PMP22: variants seen among roughly 807,000 people sequenced by gnomAD.
PMP22 encodes peripheral myelin protein 22.
Under a neutral mutation model 18.9 loss-of-function variants are expected in PMP22, and 2 were observed. That is an observed-to-expected ratio of 0.11 (90% CI 0.04 to 0.33). PMP22 has a LOEUF of 0.33. Among genes scored for constraint, PMP22 ranks in the 10% least tolerant of loss-of-function variants. The pLI, the probability that PMP22 is intolerant of heterozygous loss-of-function variation, is 1.00. For missense variants in PMP22, 169 were observed against 202.2 expected (o/e 0.84, Z 1.00); for synonymous variants, 95 against 89.2 (o/e 1.07, Z -0.37).
intron 2 of PMP22, among the ~76,000 whole-genome samples, chr17:15,260,127 T>C (rs1909186782): frequency 1.3e-5 from 2 of 152,176 alleles, no homozygotes; most frequent in Non-Finnish European, 2.9e-5. Flanking sequence ...GTTACTCTGA[T>C]GGCCTGTTCC....
At chr17:15,255,839 C>T (rs563541145) in intron 3 of PMP22, among the ~76,000 whole-genome samples, 1 of 152,164 alleles carries the variant, frequency 6.6e-6, no homozygotes, top group Non-Finnish European at 1.5e-5. Context: ...TGAACTCAGA[C>T]GCTGTCTGCC....
chr17:15,252,932 A>G (rs1908489219), intron 3 of PMP22, among the ~76,000 whole-genome samples: 1 of 152,218 alleles, frequency 6.6e-6, no homozygotes, highest in Non-Finnish European at 1.5e-5. Context: ...ATTCTGACCC[A>G]TTCTGCTACA....
Position 15,258,085 on chromosome 17 carries a change from G to C in PMP22, c.178+1009C>G, listed in dbSNP as rs980357836. Among the ~76,000 whole-genome samples, 1 of 152,136 alleles carries C rather than the reference G, an allele frequency of 6.6e-6. No individual in the cohort carries two copies. Among genetic ancestry groups the C allele is most frequent in the African/African-American group, 2.4e-5 (1 of 41,428 alleles). Reference sequence around the variant, plus strand: ...GGATCTAAACTGGTTTCTCTCGTCTGGTGTAGCATCTTGAACATATATACT... The same window carrying C: ...GGATCTAAACTGGTTTCTCTCGTCTCGTGTAGCATCTTGAACATATATACT... On this transcript the variant is annotated intron_variant, in intron 3 of 4. Transcript: ENST00000312280. The surrounding 1 kb of genome is among the most constrained non-coding windows in gnomAD (Gnocchi z 4.1).
intron 3 of PMP22, among the ~76,000 whole-genome samples, chr17:15,252,532 T>C (rs936502539): frequency 6.6e-6 from 1 of 152,168 alleles, no homozygotes; most frequent in Non-Finnish European, 1.5e-5. Flanking sequence ...CTGTTGTCAC[T>C]GGGAAATGAG....
rs1231907268 is a variant in PMP22 at position 15,246,246 on chromosome 17, C to T, written c.179-6635G>A. Among the ~76,000 whole-genome samples, 6 of 152,284 alleles carry T rather than the reference C, an allele frequency of 3.9e-5. No individual in the cohort carries two copies. The East Asian group carries it at 7.7e-4, about 20-fold the overall frequency. On this transcript the variant is annotated intron_variant, in intron 3 of 4. Transcript: ENST00000312280. ...AATACTTTAGGCTTTGCAGGTCATACGGTCTTCTTAACAACTACTCAATTC... is the reference window on the plus strand; with the variant it reads ...AATACTTTAGGCTTTGCAGGTCATATGGTCTTCTTAACAACTACTCAATTC...
chr17:15,258,885 G>A lies in PMP22; in HGVS notation c.178+209C>T. On this transcript the variant is annotated intron_variant, in intron 3 of 4. Transcript: ENST00000312280. This position sits in a 1 kb window ranked among gnomAD's most constrained non-coding sequence, Gnocchi z 4.1. ...CTAAGGGCATGTCTCTAGGTAGAGT[G>A]AATCACAATGATGCCCAGGATCTCA... The A allele has an allele frequency of 1.6e-6, 1 of 639,634 alleles. No individual in the cohort carries two copies. Among genetic ancestry groups the A allele is most frequent in the South Asian group, 1.7e-5 (1 of 57,856 alleles). The allele number at this position is 639,634 out of a possible 1,614,324, so 39.6% of individuals were successfully genotyped here.
rs1363898261 is a variant in PMP22 at position 15,258,772 on chromosome 17, A to G, written c.178+322T>C. On this transcript the variant is annotated intron_variant, in intron 3 of 4. Transcript: ENST00000312280. The surrounding 1 kb of genome is among the most constrained non-coding windows in gnomAD (Gnocchi z 4.1). ...CCAATGTCCCAAGGGGGTCTGCCAA[A>G]GGCTTAGCTATCATACCACCTTCAC... 5.1e-6 allele frequency: 2 copies of G among 394,154 alleles called. No homozygotes were observed. The highest frequency in any genetic ancestry group is 9.7e-6 in the Non-Finnish European group (2 of 206,190). The allele number at this position is 394,154 out of a possible 1,614,324, so 24.4% of individuals were successfully genotyped here.
rs745939923 is a variant in PMP22, at chr17:15,259,099, G to T, written c.173C>A (p.Pro58Gln). 49 of 1,609,068 alleles carry T rather than the reference G, an allele frequency of 3.0e-5. No individual in the cohort carries two copies. The highest frequency in any genetic ancestry group is 4.0e-5 in the Non-Finnish European group (47 of 1,175,470). Residue 58 changes from proline to glutamine, a missense_variant, in exon 3 of 5, where the codon CCA becomes CAA. Physicochemically the swap from Pro to Gln is moderately conservative, Grantham distance 76 (BLOSUM62 -1). Coordinates refer to ENST00000312280, the MANE Select transcript of PMP22 (RefSeq NM_000304.4). ...GNVHHCFSSS[P>Q]NEWLQSVQAT... ...GAGCACAAAACCAGCCTCACCGTTT[G>T]GTGATGATGAGAAACAGTGGTGGAC...
At chr17:15,239,338 C>A (rs1303490508) in intron 4 of PMP22, 133 bp downstream of exon 4, 1 of 1,078,932 alleles carries the variant, frequency 9.3e-7, no homozygotes, top group Admixed American at 1.7e-5. Context: ...CCCACCCTCA[C>A]TTTATGGAAA....
rs747112334 is a variant in PMP22 at position 15,230,777 on chromosome 17, C to T, written c.*140G>A. ...TATATACATCTTCAATCAACAGCAA[C>T]CCCCACCTCCACTGCTTTCTGTTTG... On this transcript the variant is annotated 3_prime_UTR_variant, in exon 5 of 5. Coordinates refer to ENST00000312280, the MANE Select transcript of PMP22 (RefSeq NM_000304.4). 4 of 820,236 alleles carry T rather than the reference C, an allele frequency of 4.9e-6. No homozygotes were observed. The highest frequency in any genetic ancestry group is 8.2e-6 in the Non-Finnish European group (4 of 488,210). 50.8% of individuals were successfully genotyped at this position (820,236 alleles called of 1,614,324 possible).
At chr17:15,259,356 T>G (rs962168101) in intron 2 of PMP22, among the ~76,000 whole-genome samples, 163 bp from the exon 3 acceptor site, 7 of 152,142 alleles carry the variant, frequency 4.6e-5, no homozygotes, top group Non-Finnish European at 1.0e-4. Flanking sequence ...TAAAAGCACC[T>G]TGTAAATGGA....
chr17:15,235,498 C>CTA (rs771660439), intron 4 of PMP22, among the ~76,000 whole-genome samples: 45 of 152,272 alleles, frequency 3.0e-4, no homozygotes, highest in South Asian at 2.3e-3. Context: ...GAATAGATGG[C>CTA]TATAGGTTCT....
Position 15,258,259 on chromosome 17 carries a change from C to T in PMP22, c.178+835G>A, listed in dbSNP as rs185701897. On this transcript the variant is annotated intron_variant, in intron 3 of 4. Transcript: ENST00000312280. The surrounding 1 kb of genome is among the most constrained non-coding windows in gnomAD (Gnocchi z 4.1). Reference sequence around the variant, plus strand: ...AAAAGATCATGTGGATCCAGGTCCACGGGCTCTTAACATCAATCGCTATGG... The same window carrying T: ...AAAAGATCATGTGGATCCAGGTCCATGGGCTCTTAACATCAATCGCTATGG... Among the ~76,000 whole-genome samples, 21 of 152,256 alleles carry T rather than the reference C, an allele frequency of 1.4e-4. No individual in the cohort carries two copies. Among genetic ancestry groups the T allele is most frequent in the Admixed American group, 9.2e-4 (14 of 15,294 alleles).
At position 15,230,746 on chromosome 17, in the gene PMP22, A is replaced by G. The variant is rs779198796; in HGVS notation, c.*171T>C. The stretch of plus-strand genomic sequence containing the variant: ...GTTATAAATAGGTTTTATAAACCGG[A>G]GATATTATATACATCTTCAATCAAC... On this transcript the variant is annotated 3_prime_UTR_variant, in exon 5 of 5. Coordinates refer to ENST00000312280, the MANE Select transcript of PMP22 (RefSeq NM_000304.4). 16 of 651,974 alleles carry G rather than the reference A, an allele frequency of 2.5e-5. No homozygotes were observed. The highest frequency in any genetic ancestry group is 4.3e-5 in the Non-Finnish European group (16 of 371,836). 40.4% of individuals were successfully genotyped at this position (651,974 alleles called of 1,614,324 possible).
At chr17:15,249,013 T>A (rs1007043232) in intron 3 of PMP22, among the ~76,000 whole-genome samples, 1 of 152,130 alleles carries the variant, frequency 6.6e-6, no homozygotes, top group Non-Finnish European at 1.5e-5. Context: ...ATTCTCCCCA[T>A]AGAAATAATA....
At chr17:15,238,536 A>T (rs1907004311) in intron 4 of PMP22, among the ~76,000 whole-genome samples, 1 of 152,206 alleles carries the variant, frequency 6.6e-6, no homozygotes, top group African/African-American at 2.4e-5. Flanking sequence ...TGATCTATGA[A>T]TTTGGACCAC....
At chr17:15,232,309 A>G (rs930703186) in intron 4 of PMP22, 1 of 152,246 alleles carries the variant, frequency 6.6e-6, no homozygotes, top group Non-Finnish European at 1.5e-5. Context: ...GCCCCTGTCA[A>G]GAGAGCCACA....
rs1393268556 is a variant in PMP22 at position 15,258,607 on chromosome 17, G to A, written c.178+487C>T. 1.8e-5 allele frequency: 4 copies of A among 217,662 alleles called. No homozygotes were observed. Among genetic ancestry groups the A allele is most frequent in the Non-Finnish European group, 2.8e-5 (3 of 107,040 alleles). The allele number at this position is 217,662 out of a possible 1,614,324, so 13.5% of individuals were successfully genotyped here. ...TTTTGATGCTAGGTGGCATCACTGAGGCCCAAGACCTGGAAAGGCAGCCAG... is the reference window on the plus strand; with the variant it reads ...TTTTGATGCTAGGTGGCATCACTGAAGCCCAAGACCTGGAAAGGCAGCCAG... On this transcript the variant is annotated intron_variant, in intron 3 of 4. Transcript: ENST00000312280. The surrounding 1 kb of genome is among the most constrained non-coding windows in gnomAD (Gnocchi z 4.1).
In PMP22 at chr17:15,229,922, G is replaced by A. The variant is rs1906163427; in HGVS notation, c.*995C>T. Reference sequence around the variant, plus strand: ...CATCTACAGTTGGTGGCCAATACAAGTCATTGCCAGACAGTCCTTGGAGGC... The same window carrying A: ...CATCTACAGTTGGTGGCCAATACAAATCATTGCCAGACAGTCCTTGGAGGC... On this transcript the variant is annotated 3_prime_UTR_variant, in exon 5 of 5. Coordinates refer to ENST00000312280, the MANE Select transcript of PMP22 (RefSeq NM_000304.4). 1 of 152,622 alleles carries A rather than the reference G, an allele frequency of 6.6e-6. No homozygotes were observed. Among genetic ancestry groups the A allele is most frequent in the Non-Finnish European group, 1.5e-5 (1 of 68,052 alleles). 9.5% of individuals were successfully genotyped at this position (152,622 alleles called of 1,614,324 possible).
Sources: gnomAD v4.1 joint callset for allele counts (sites outside exome capture counted in the v4.1 genomes callset) on GRCh38, gnomAD v4.1.1 for gene constraint, Gnocchi (gnomAD v3.1) non-coding constraint, MANE v1.5 for transcripts, NCBI Gene and HGNC (gene_info 2026-07-23, HGNC 2026-07-21) for gene names.